The following AGAP1 variants were observed in gnomAD, a reference collection of about 807,000 sequenced individuals.
AGAP1 encodes arf-GAP with GTPase, ANK repeat and PH domain-containing protein 1.
In AGAP1, 29 loss-of-function variants were observed where a neutral mutation model predicts 105.3. The observed-to-expected ratio is 0.28, with a 90% CI of 0.21 to 0.38. The LOEUF (loss-of-function observed/expected upper bound fraction) is 0.38, where lower values mean the gene tolerates loss of function less well. Among genes scored for constraint, AGAP1 ranks in the 10% least tolerant of loss-of-function variants. The probability of loss-of-function intolerance (pLI) is 1.00; values close to 1 mark genes in which losing one functional copy is unlikely to be tolerated. For synonymous variants in AGAP1, 509 were observed against 485.9 expected, an observed-to-expected ratio of 1.05 and a Z score of -0.63; for missense variants, 998 against 1,165.1, an observed-to-expected ratio of 0.86 and a Z score of 2.09.
intron 13 of AGAP1, among the ~76,000 whole-genome samples, chr2:236,031,943 G>A (rs1257910806): frequency 6.6e-6 from 1 of 152,128 alleles, no homozygotes; most frequent in Admixed American, 6.5e-5. Flanking sequence ...TGGGAGCCTC[G>A]TTCTGGGCCT....
chr2:235,498,524 C>T (rs566474608), intron 1 of AGAP1, among the ~76,000 whole-genome samples: 1 of 152,338 alleles, frequency 6.6e-6, no homozygotes, highest in Non-Finnish European at 1.5e-5. Flanking sequence ...TTAGTTTCCC[C>T]TCTGGTTCTC....
At chr2:235,626,490 G>A (rs1297753032) in intron 1 of AGAP1, among the ~76,000 whole-genome samples, 6 of 152,284 alleles carry the variant, frequency 3.9e-5, no homozygotes, top group Non-Finnish European at 5.9e-5. Context: ...TAATGGTGGC[G>A]TTTTTTAAAA....
intron 1 of AGAP1, among the ~76,000 whole-genome samples, chr2:235,694,933 AG>A (rs138099454): frequency 0.036 from 5,483 of 152,322 alleles, 166 homozygotes; most frequent in Non-Finnish European, 0.058. Flanking sequence ...TTTAACCCAA[AG>A]GCAAGCAACA....
intron 5 of AGAP1, among the ~76,000 whole-genome samples, chr2:235,746,377 C>CCTT (rs1295250993): frequency 3.6e-5 from 2 of 55,546 alleles, no homozygotes; most frequent in African/African-American, 1.6e-4. Context: ...CCTCCCCCAA[C>CCTT]TTTTTTTTTT....
rs1448572878 is a variant in AGAP1 at position 236,076,720 on chromosome 2, G to C, written c.2114+27439G>C. On this transcript the variant is annotated intron_variant, in intron 16 of 17. Transcript: ENST00000304032. This position sits in a 1 kb window ranked among gnomAD's most constrained non-coding sequence, Gnocchi z 4.4. ...CAAACCACTAAAGAGGGAAGCCCCA[G>C]CGCTATGAGCATACCTGGCAACAGA... Among the ~76,000 whole-genome samples, 4 of 152,158 alleles carry C rather than the reference G, an allele frequency of 2.6e-5. No homozygotes were observed. The highest frequency in any genetic ancestry group is 6.5e-5 in the Admixed American group (1 of 15,280).
chr2:235,796,431 CTGA>C (rs1457274273), intron 6 of AGAP1, among the ~76,000 whole-genome samples: 1 of 152,052 alleles, frequency 6.6e-6, no homozygotes, highest in Admixed American at 6.5e-5. Context: ...ACATGATTAG[CTGA>C]TGAAGGTTAT....
At position 235,854,671 on chromosome 2, in the gene AGAP1, C is replaced by G. The variant is rs111724119; in HGVS notation, c.1051-28674C>G. ...GGTGGACTTGGGGATGTTTCTTACT[C>G]TCCGAGCTTGACTTGCTTTATCTGT... On this transcript the variant is annotated intron_variant, in intron 9 of 17. Coordinates refer to ENST00000304032, the MANE Select transcript of AGAP1 (RefSeq NM_001037131.3). 6.3e-3 allele frequency among the ~76,000 whole-genome samples: 960 copies of G among 152,354 alleles called. 7 individuals are homozygous for G. Among genetic ancestry groups the G allele is most frequent in the Non-Finnish European group, 9.7e-3 (658 of 68,032 alleles).
At chr2:235,602,815 C>T (rs13412200) in intron 1 of AGAP1, among the ~76,000 whole-genome samples, 57,467 of 152,024 alleles carry the variant, frequency 0.38, 13,246 homozygotes, top group African/African-American at 0.66. Flanking sequence ...GATTCTTGTG[C>T]CTCAGCCTCC....
rs1278051186 is a variant in AGAP1 at position 235,752,456 on chromosome 2, G to A, written c.673+1968G>A. ...GGCCTCCCAAAGTGCTAGGATTATA[G>A]GCATGAGCCACCGCGCCTGGCTGTA... On this transcript the variant is annotated intron_variant, in intron 6 of 17. Transcript: ENST00000304032. The surrounding 1 kb of genome is among the most constrained non-coding windows in gnomAD (Gnocchi z 4.3). Among the ~76,000 whole-genome samples the A allele has an allele frequency of 2.6e-5, 4 of 152,174 alleles. No individual in the cohort carries two copies. The highest frequency in any genetic ancestry group is 4.8e-5 in the African/African-American group (2 of 41,458).
intron 15 of AGAP1, among the ~76,000 whole-genome samples, chr2:236,041,709 A>G (rs1456459500): frequency 6.6e-6 from 1 of 152,200 alleles, no homozygotes. Context: ...TGCTGGTACC[A>G]GGCTGGGTGC....
intron 16 of AGAP1, among the ~76,000 whole-genome samples, chr2:236,094,778 C>A (rs73127528): frequency 0.22 from 33,041 of 151,842 alleles, 3,929 homozygotes; most frequent in South Asian, 0.34. Context: ...ATGAAAAAGC[C>A]TGGCACAGAA....
chr2:235,497,682 C>T (rs974894381), intron 1 of AGAP1, among the ~76,000 whole-genome samples: 37 of 152,232 alleles, frequency 2.4e-4, no homozygotes, highest in Non-Finnish European at 2.9e-5. Flanking sequence ...CTGCAGGCTC[C>T]GCCCCGGGTT....
At chr2:235,545,000 C>G (rs964079500) in intron 1 of AGAP1, among the ~76,000 whole-genome samples, 9 of 152,178 alleles carry the variant, frequency 5.9e-5, no homozygotes, top group Admixed American at 1.3e-4. Flanking sequence ...ACTGATAAAT[C>G]TTTTACATTC....
At chr2:235,546,720 A>C (rs985350249) in intron 1 of AGAP1, among the ~76,000 whole-genome samples, 1 of 152,214 alleles carries the variant, frequency 6.6e-6, no homozygotes, top group Non-Finnish European at 1.5e-5. Flanking sequence ...CCAGAACCAC[A>C]TGAATGACCT....
chr2:235,702,759 T>C (rs893531955), intron 1 of AGAP1, among the ~76,000 whole-genome samples: 5 of 152,066 alleles, frequency 3.3e-5, no homozygotes, highest in Admixed American at 6.6e-5. Flanking sequence ...AAGTAGCACA[T>C]GTGCCTGTCT....
chr2:236,007,495 T>G (rs1376392199), intron 13 of AGAP1, among the ~76,000 whole-genome samples: 2 of 152,362 alleles, frequency 1.3e-5, no homozygotes, highest in Admixed American at 6.5e-5. Context: ...ATTACGGCCC[T>G]GCGTGAGAGC....
At position 235,960,018 on chromosome 2, in the gene AGAP1, C is replaced by T. The variant is rs567721844; in HGVS notation, c.1484-8444C>T. 4.6e-5 allele frequency among the ~76,000 whole-genome samples: 7 copies of T among 152,260 alleles called. No homozygotes were observed. Among genetic ancestry groups the T allele is most frequent in the East Asian group, 1.9e-4 (1 of 5,176 alleles). Reference sequence around the variant, plus strand: ...GGGCTATGGAGTGTTGGAGCATTGCCGTGGCAGGAGAACGCAGTGGGCAGA... The same window carrying T: ...GGGCTATGGAGTGTTGGAGCATTGCTGTGGCAGGAGAACGCAGTGGGCAGA... On this transcript the variant is annotated intron_variant, in intron 12 of 17. Coordinates refer to ENST00000304032, the MANE Select transcript of AGAP1 (RefSeq NM_001037131.3). This position sits in a 1 kb window ranked among gnomAD's most constrained non-coding sequence, Gnocchi z 4.9.
rs1944334367 is a variant in AGAP1, at chr2:235,566,018, A to G, written c.163+71169A>G. Among the ~76,000 whole-genome samples the G allele has an allele frequency of 6.6e-6, 1 of 152,236 alleles. No homozygotes were observed. The highest frequency in any genetic ancestry group is 1.5e-5 in the Non-Finnish European group (1 of 68,044). ...ATAATTTTATAGTGAGTACTTGTAC[A>G]CTGATTGCCAAGATTCTGTAAACAA... On this transcript the variant is annotated intron_variant, in intron 1 of 17. Coordinates refer to ENST00000304032, the MANE Select transcript of AGAP1 (RefSeq NM_001037131.3). The surrounding 1 kb of genome is among the most constrained non-coding windows in gnomAD (Gnocchi z 5.2).
chr2:236,047,413 T>G (rs2057754322), intron 15 of AGAP1, among the ~76,000 whole-genome samples: 4 of 151,872 alleles, frequency 2.6e-5, no homozygotes, highest in Non-Finnish European at 5.9e-5. Context: ...GGCCAGGGCC[T>G]CCTCTGTGTC....
Sources: gnomAD v4.1 joint callset for allele counts (sites outside exome capture counted in the v4.1 genomes callset) on GRCh38, gnomAD v4.1.1 for gene constraint, Gnocchi (gnomAD v3.1) non-coding constraint, MANE v1.5 for transcripts, NCBI Gene and HGNC (gene_info 2026-07-23, HGNC 2026-07-21) for gene names.